The following SGSM2 variants were observed in gnomAD, a reference collection of about 807,000 sequenced individuals.
The protein encoded by SGSM2 is RUN and TBC1 domain containing 1.
In SGSM2, 89 loss-of-function variants were observed where a neutral mutation model predicts 126.6. That is an observed-to-expected ratio of 0.70 (90% CI 0.59 to 0.84). SGSM2 has a LOEUF of 0.84. SGSM2 is among the 40% of genes least tolerant of loss of function. The probability of loss-of-function intolerance (pLI) is 0.00; values close to 1 mark genes in which losing one functional copy is unlikely to be tolerated. For synonymous variants in SGSM2, 614 were observed against 574.3 expected, an observed-to-expected ratio of 1.07 and a Z score of -0.99; for missense variants, 1,404 against 1,416.6, an observed-to-expected ratio of 0.99 and a Z score of 0.14.
intron 12 of SGSM2, among the ~76,000 whole-genome samples, chr17:2,369,051 G>T (rs75767388): frequency 0.018 from 2,807 of 152,276 alleles, 65 homozygotes; most frequent in East Asian, 0.1. Flanking sequence ...AGGAACTCAG[G>T]GGCTAGGCCA....
chr17:2,379,254 C>T, intron 23 of SGSM2, 51 bp downstream of exon 23: 2 of 1,601,870 alleles, frequency 1.2e-6, no homozygotes, highest in Non-Finnish European at 1.7e-6. Flanking sequence ...GTGTGGAGGC[C>T]CCCACCTCTG....
intron 11 of SGSM2, 54 bp downstream of exon 11, chr17:2,365,395 G>C: frequency 6.7e-7 from 1 of 1,481,564 alleles, no homozygotes; most frequent in South Asian, 1.4e-5. Flanking sequence ...TCTGGGAGGC[G>C]GGGAGCGCAG....
At position 2,363,691 on chromosome 17, in the gene SGSM2, C is replaced by G; in HGVS notation, c.807+92C>G. On this transcript the variant is annotated intron_variant, in intron 7 of 23. Transcript: ENST00000268989. This position sits in a 1 kb window ranked among gnomAD's most constrained non-coding sequence, Gnocchi z 4.2. ...CCATGGCTATTCCTTTCCTGAGGAG[C>G]TTGACCAGAGACGGGGGGGAGAATG... The G allele has an allele frequency of 6.6e-7, 1 of 1,526,658 alleles. No individual in the cohort carries two copies. Among genetic ancestry groups the G allele is most frequent in the Non-Finnish European group, 8.9e-7 (1 of 1,127,780 alleles). The allele number at this position is 1,526,658 out of a possible 1,614,324, so 94.6% of individuals were successfully genotyped here.
At chr17:2,373,124 T>C (rs374534145) in intron 16 of SGSM2, 43 bp downstream of exon 16, 144 of 1,606,750 alleles carry the variant, frequency 9.0e-5, no homozygotes, top group Middle Eastern at 1.6e-4. Context: ...GATGGGGAGC[T>C]GGGCCAGGGG....
At position 2,372,798 on chromosome 17, in the gene SGSM2, C is replaced by A. The variant is rs2065935707; in HGVS notation, c.1789-155C>A. On this transcript the variant is annotated intron_variant, in intron 15 of 23. Transcript: ENST00000268989. This position sits in a 1 kb window ranked among gnomAD's most constrained non-coding sequence, Gnocchi z 6.0. ...GATCTCATCCCACTGTGAGCTGGGG[C>A]ACGGGAGGACGTGGCCACCCCAAAG... 1 of 1,031,480 alleles carries A rather than the reference C, an allele frequency of 9.7e-7. No homozygotes were observed. The highest frequency in any genetic ancestry group is 1.4e-6 in the Non-Finnish European group (1 of 723,264). 63.9% of individuals were successfully genotyped at this position (1,031,480 alleles called of 1,614,324 possible). A position where few individuals can be genotyped will look rare whatever the true frequency, so the allele number is the denominator to read the frequency against.
intron 2 of SGSM2, among the ~76,000 whole-genome samples, chr17:2,346,120 CTG>C (rs977059846): frequency 2.6e-5 from 4 of 152,196 alleles, no homozygotes; most frequent in African/African-American, 9.7e-5. Flanking sequence ...CAGACTTAAA[CTG>C]TGCCTTGCTA....
rs867409521 is a variant in SGSM2 at position 2,377,554 on chromosome 17, G to A, written c.2803-303G>A. The A allele has an allele frequency of 6.3e-5, 16 of 253,424 alleles. 1 individual carries two copies. In the South Asian group the frequency reaches 8.0e-4, roughly 13 times the overall value. The allele number at this position is 253,424 out of a possible 1,614,324, so 15.7% of individuals were successfully genotyped here. ...GGAGTGTGTGTGTGTGTGAATGCTC[G>A]TGCCCATGAAAGTTCTGGCGAACAG... On this transcript the variant is annotated intron_variant, in intron 21 of 23. Transcript: ENST00000268989.
rs1355650710 is a variant in SGSM2 at position 2,372,649 on chromosome 17, C to T, written c.1788+161C>T. ...GAATCTCTTGCAGCTGGGCCTGGGG[C>T]TGACACGGGAAGGGGGCTGGACTGG... On this transcript the variant is annotated intron_variant, in intron 15 of 23. Transcript: ENST00000268989. The surrounding 1 kb of genome is among the most constrained non-coding windows in gnomAD (Gnocchi z 6.0). 2.3e-5 allele frequency: 25 copies of T among 1,066,042 alleles called. No homozygotes were observed. Among genetic ancestry groups the T allele is most frequent in the Non-Finnish European group, 3.0e-5 (22 of 733,482 alleles). 66.0% of individuals were successfully genotyped at this position (1,066,042 alleles called of 1,614,324 possible).
At chr17:2,353,067 G>A (rs771300141) in intron 2 of SGSM2, among the ~76,000 whole-genome samples, 25 of 151,814 alleles carry the variant, frequency 1.6e-4, no homozygotes, top group Admixed American at 3.3e-4. Flanking sequence ...GTGAGCCACC[G>A]CGCCCGGCCC....
Position 2,375,584 on chromosome 17 carries a change from T to C in SGSM2, c.2193T>C (p.Thr731=), listed in dbSNP as rs745423218. The change falls in exon 18 of 24, where the codon ACT becomes ACC. Residue 731 remains threonine, a synonymous_variant. Coordinates refer to ENST00000268989, the MANE Select transcript of SGSM2 (RefSeq NM_014853.3). ...PKPEQEAGPG[T]PGTAVVEQQH... The stretch of plus-strand genomic sequence containing the variant: ...CTGAGCAGGAAGCAGGACCCGGGAC[T>C]CCGGGCACCGCCGTGGTGGAGCAGC... The C allele has an allele frequency of 1.2e-6, 2 of 1,613,828 alleles. No homozygotes were observed. Among genetic ancestry groups the C allele is most frequent in the East Asian group, 4.5e-5 (2 of 44,882 alleles).
intron 16 of SGSM2, 39 bp downstream of exon 16, chr17:2,373,120 G>T (rs1252286284): frequency 6.2e-7 from 1 of 1,607,602 alleles, no homozygotes; most frequent in Non-Finnish European, 8.5e-7. Context: ...ATGAGATGGG[G>T]AGCTGGGCCA....
rs1452160180 is a variant in SGSM2 at position 2,363,206 on chromosome 17, C to G, written c.672+72C>G. 8 of 1,503,662 alleles carry G rather than the reference C, an allele frequency of 5.3e-6. No homozygotes were observed. In the African/African-American group the frequency reaches 6.9e-5, roughly 13 times the overall value. 93.1% of individuals were successfully genotyped at this position (1,503,662 alleles called of 1,614,324 possible). On this transcript the variant is annotated intron_variant, in intron 6 of 23. Transcript: ENST00000268989. This position sits in a 1 kb window ranked among gnomAD's most constrained non-coding sequence, Gnocchi z 4.2. The stretch of plus-strand genomic sequence containing the variant: ...TGGGCCTGTAGGGACGGGAAACCGG[C>G]CTCTCTACGGGACAGGCCTTGGAGA...
In SGSM2 at chr17:2,376,951, C is replaced by T; in HGVS notation, c.2693-8C>T. The T allele has an allele frequency of 1.9e-6, 3 of 1,611,338 alleles. No homozygotes were observed. In the South Asian group the frequency reaches 3.3e-5, roughly 18 times the overall value. ...TGCCCTGCCAGCTTCACTCCTGTCTCCCCTCAGATCAGCTGGCCTACAGCT... is the reference window on the plus strand; with the variant it reads ...TGCCCTGCCAGCTTCACTCCTGTCTTCCCTCAGATCAGCTGGCCTACAGCT... On this transcript the variant is annotated splice_polypyrimidine_tract_variant and splice_region_variant and intron_variant, in intron 20 of 23. Transcript: ENST00000268989.
At chr17:2,369,115 A>G (rs1448765860) in intron 12 of SGSM2, among the ~76,000 whole-genome samples, 2 of 152,220 alleles carry the variant, frequency 1.3e-5, no homozygotes, top group Admixed American at 6.5e-5. Context: ...AGGAGGCATA[A>G]GAGCAGAATC....
chr17:2,348,641 C>T (rs959327854), intron 2 of SGSM2, among the ~76,000 whole-genome samples: 4 of 152,210 alleles, frequency 2.6e-5, no homozygotes, highest in South Asian at 2.1e-4. Flanking sequence ...CGTGCTTACT[C>T]ATCTCTGAGC....
chr17:2,349,827 G>A lies in SGSM2; in HGVS notation c.133+6207G>A, dbSNP rs570137987. Among the ~76,000 whole-genome samples the A allele has an allele frequency of 1.6e-4, 24 of 147,408 alleles. No individual in the cohort carries two copies. In the East Asian group the frequency reaches 1.8e-3, roughly 11 times the overall value. On this transcript the variant is annotated intron_variant, in intron 2 of 23. Transcript: ENST00000268989. ...TTTTGAGATGGAGTCTCCCTCTGTCGCCCAGGCTGGAGTGCAATGGAGCGG... is the reference window on the plus strand; with the variant it reads ...TTTTGAGATGGAGTCTCCCTCTGTCACCCAGGCTGGAGTGCAATGGAGCGG...
chr17:2,353,370 C>T (rs1473271776), intron 2 of SGSM2, among the ~76,000 whole-genome samples: 1 of 152,156 alleles, frequency 6.6e-6, no homozygotes, highest in Non-Finnish European at 1.5e-5. Flanking sequence ...GGCATCATCT[C>T]ATGATGGGAA....
chr17:2,347,983 G>T (rs2064677454), intron 2 of SGSM2, among the ~76,000 whole-genome samples: 1 of 152,144 alleles, frequency 6.6e-6, no homozygotes, highest in African/African-American at 2.4e-5. Context: ...CAGATTCCCT[G>T]CCCTGCTGTG....
intron 1 of SGSM2, 58 bp from the exon 2 acceptor site, chr17:2,343,487 C>A (rs2064464785): frequency 6.5e-7 from 1 of 1,549,838 alleles, no homozygotes; most frequent in African/African-American, 1.4e-5. Context: ...TTTATTTGCC[C>A]AGAGGTCTTT....
Sources: allele counts gnomAD v4.1 joint callset (sites outside exome capture counted in the v4.1 genomes callset), GRCh38; gene constraint gnomAD v4.1.1; non-coding constraint Gnocchi (gnomAD v3.1); transcripts MANE v1.5; gene names NCBI Gene and HGNC (gene_info 2026-07-23, HGNC 2026-07-21).